Variants in ACTR3C observed in about 807,000 individuals in gnomAD.
ACTR3C encodes actin related protein 3C, also known as actin-related protein 3C.
In ACTR3C, 18 loss-of-function variants were observed where a neutral mutation model predicts 26.3. The ratio of observed to expected loss-of-function variants is 0.68; its 90% CI spans 0.47 to 1.01. ACTR3C has a LOEUF of 1.01. Ranked by LOEUF, ACTR3C falls within the 50% of genes least tolerant of loss-of-function variation. The pLI is 0.00. For missense variants in ACTR3C, 184 were observed against 250.7 expected, an observed-to-expected ratio of 0.73 and a Z score of 1.80; for synonymous variants, 55 against 94.5, an observed-to-expected ratio of 0.58 and a Z score of 2.42.
chr7:149,889,349 A>C, the ACTR3C span, among the ~76,000 whole-genome samples: 2 of 152,238 alleles, frequency 1.3e-5, no homozygotes, highest in Non-Finnish European at 2.9e-5. Context: ...AGAAAAGGGA[A>C]AAATTTTCTA....
At chr7:150,285,441 G>T (rs1835699266) in intron 5 of ACTR3C, among the ~76,000 whole-genome samples, 1 of 152,128 alleles carries the variant, frequency 6.6e-6, no homozygotes, top group Admixed American at 6.5e-5. Context: ...CATTTCATTT[G>T]AAATATTTTA....
the ACTR3C span, among the ~76,000 whole-genome samples, chr7:150,224,996 C>T: frequency 0.12 from 17,980 of 147,708 alleles, 2,602 homozygotes; most frequent in African/African-American, 0.36. Context: ...TTTGGCCACA[C>T]CCCCATTAGT....
the ACTR3C span, among the ~76,000 whole-genome samples, chr7:149,942,555 C>T: frequency 6.6e-6 from 1 of 151,378 alleles, no homozygotes; most frequent in East Asian, 1.9e-4. Context: ...TATTATTGTC[C>T]AGAGATCCCT....
At chr7:150,318,139 G>A (rs138532702) in intron 1 of ACTR3C, among the ~76,000 whole-genome samples, 13 of 152,326 alleles carry the variant, frequency 8.5e-5, no homozygotes, top group African/African-American at 2.6e-4. Context: ...CTAAAGCTAT[G>A]ACGGTGAAAA....
the ACTR3C span, among the ~76,000 whole-genome samples, chr7:150,113,632 T>G: frequency 6.6e-6 from 1 of 152,254 alleles, no homozygotes; most frequent in Admixed American, 6.5e-5. Flanking sequence ...TTCTTCGGTT[T>G]AATCATGAAT....
At chr7:149,970,206 C>A in the ACTR3C span, among the ~76,000 whole-genome samples, 2 of 151,682 alleles carry the variant, frequency 1.3e-5, no homozygotes, top group Non-Finnish European at 2.9e-5. Flanking sequence ...TCGTTCTGCA[C>A]CAAATGTATT....
intron 6 of ACTR3C, among the ~76,000 whole-genome samples, chr7:150,251,621 G>C (rs1306877268): frequency 1.3e-5 from 2 of 151,966 alleles, no homozygotes; most frequent in South Asian, 2.1e-4. Context: ...AGGAAAATAG[G>C]TATAGGGAAT....
Position 150,286,516 on chromosome 7 carries a change from C to G in ACTR3C, c.322G>C (p.Asp108His). Residue 108 changes from aspartate to histidine, a missense_variant, in exon 5 of 8, where the codon GAT (aspartate) becomes CAT (histidine). Asp to His is a moderately conservative substitution (Grantham distance 81, BLOSUM62 -1). Transcript: ENST00000683684. ...IKEKYCYICPDIVKEFAKYDV... is the reference protein window; with the variant it reads ...IKEKYCYICPHIVKEFAKYDV... ...TACTTGGCAAATTCCTTGACTATATCGGGGCAAATGTAACAGTATTTCTCC... is the reference window on the plus strand; with the variant it reads ...TACTTGGCAAATTCCTTGACTATATGGGGGCAAATGTAACAGTATTTCTCC... 1 of 1,611,350 alleles carries G rather than the reference C, an allele frequency of 6.2e-7. No individual in the cohort carries two copies. The highest frequency in any genetic ancestry group is 2.2e-5 in the East Asian group (1 of 44,830).
the ACTR3C span, among the ~76,000 whole-genome samples, chr7:150,024,518 G>A: frequency 2.0e-5 from 3 of 148,292 alleles, no homozygotes; most frequent in African/African-American, 5.0e-5. Context: ...TTTCCTTCAT[G>A]TTGCTCTGAT....
At chr7:149,892,440 A>G in the ACTR3C span, 7 of 1,544,246 alleles carry the variant, frequency 4.5e-6, no homozygotes, top group East Asian at 2.3e-5. Context: ...ATCACTATCC[A>G]TATCTATTTA....
the ACTR3C span, among the ~76,000 whole-genome samples, chr7:150,038,856 G>T: frequency 8.0e-6 from 1 of 125,384 alleles, no homozygotes; most frequent in Non-Finnish European, 1.7e-5. Context: ...GGAACCAGGG[G>T]CTGGCTCTCA....
At chr7:150,315,521 T>G (rs1205942888) in intron 1 of ACTR3C, among the ~76,000 whole-genome samples, 2 of 152,086 alleles carry the variant, frequency 1.3e-5, no homozygotes, top group Non-Finnish European at 2.9e-5. Context: ...ATAAGGAAAA[T>G]ACATTGTACG....
chr7:150,243,179 G>T (rs1020382862), downstream of ACTR3C, among the ~76,000 whole-genome samples: 1 of 152,046 alleles, frequency 6.6e-6, no homozygotes, highest in African/African-American at 2.4e-5. Flanking sequence ...CACTCATATG[G>T]CCTATTCTAA....
chr7:150,241,776 A>G (rs1832188250), downstream of ACTR3C, among the ~76,000 whole-genome samples: 1 of 152,238 alleles, frequency 6.6e-6, no homozygotes, highest in African/African-American at 2.4e-5. Flanking sequence ...TTATAACTAA[A>G]TAATCAAAAG....
At chr7:150,117,004 A>C in the ACTR3C span, among the ~76,000 whole-genome samples, 1 of 152,170 alleles carries the variant, frequency 6.6e-6, no homozygotes, top group African/African-American at 2.4e-5. Flanking sequence ...TCCCCTGGCC[A>C]AGGGAAGCCA....
intron 1 of ACTR3C, among the ~76,000 whole-genome samples, chr7:150,314,059 T>C (rs139890302): frequency 1.3e-5 from 2 of 152,336 alleles, no homozygotes; most frequent in East Asian, 1.9e-4. Flanking sequence ...AGTGAGCTTC[T>C]GCATCTAGTC....
the ACTR3C span, among the ~76,000 whole-genome samples, chr7:149,983,395 C>T: frequency 7.2e-5 from 9 of 125,842 alleles, no homozygotes; most frequent in African/African-American, 2.9e-4. Context: ...ATTAGGATTG[C>T]TATTATATAT....
At chr7:150,046,436 C>A in the ACTR3C span, among the ~76,000 whole-genome samples, 1 of 144,532 alleles carries the variant, frequency 6.9e-6, no homozygotes, top group Non-Finnish European at 1.5e-5. Flanking sequence ...GAGGTAATGA[C>A]CAAAACCACC....
chr7:150,158,824 A>G, the ACTR3C span, among the ~76,000 whole-genome samples: 39 of 150,408 alleles, frequency 2.6e-4, no homozygotes, highest in Non-Finnish European at 4.7e-4. Flanking sequence ...AGGCACACAC[A>G]TGCACACACA....
Sources: allele counts gnomAD v4.1 joint callset (sites outside exome capture counted in the v4.1 genomes callset), GRCh38; gene constraint gnomAD v4.1.1; transcripts MANE v1.5; gene names NCBI Gene and HGNC (gene_info 2026-07-23, HGNC 2026-07-21).